Variants in DHX29 observed in about 807,000 individuals in gnomAD.
The protein encoded by DHX29 is ATP-dependent RNA helicase DHX29.
A neutral mutation model predicts 167.9 loss-of-function variants in DHX29; 79 were observed. The ratio of observed to expected loss-of-function variants is 0.47; its 90% CI spans 0.39 to 0.57. The LOEUF is 0.57. Among genes scored for constraint, DHX29 ranks in the 20% least tolerant of loss-of-function variants. The pLI, the probability that DHX29 is intolerant of heterozygous loss-of-function variation, is 0.00. For missense variants in DHX29, 1,347 were observed against 1,593.4 expected (o/e 0.85, Z 2.63); for synonymous variants, 530 against 546.0 (o/e 0.97, Z 0.41).
At chr5:55,259,126 A>C (rs564089139) in intron 26 of DHX29, among the ~76,000 whole-genome samples, 16 of 152,174 alleles carry the variant, frequency 1.1e-4, no homozygotes, top group Non-Finnish European at 2.4e-4. Flanking sequence ...GACTACAGGC[A>C]TATGACACCA....
chr5:55,265,586 C>G (rs775606164), intron 23 of DHX29, among the ~76,000 whole-genome samples: 61 of 149,586 alleles, frequency 4.1e-4, no homozygotes, highest in Non-Finnish European at 8.9e-4. Flanking sequence ...AAAGTGGTAA[C>G]TATAGGTTAA....
In DHX29 at chr5:55,281,488, T is replaced by C. The variant is rs1160435330; in HGVS notation, c.1993A>G (p.Met665Val). Residue 665 changes from methionine (M) to valine (V), a missense_variant, in exon 12 of 27, where the codon ATG (methionine) becomes GTG (valine). By Grantham distance (21) the Met-to-Val change is conservative (BLOSUM62 1). This residue lies in a region of DHX29 where 882 missense variants were observed against 1,082.4 expected (regional missense o/e 0.81). Coordinates refer to ENST00000251636, the MANE Select transcript of DHX29 (RefSeq NM_019030.4). ...RNSLCGYQIRMESRACESTRL... is the reference protein window; with the variant it reads ...RNSLCGYQIRVESRACESTRL... ...GTAGATTCACAAGCTCGAGATTCCA[T>C]CCGGATCTGATATCCACACAAGGAA... is the stretch of plus-strand genomic sequence containing the variant. 6.3e-7 allele frequency: 1 copy of C among 1,598,942 alleles called. No individual in the cohort carries two copies. Among genetic ancestry groups the C allele is most frequent in the Admixed American group, 1.7e-5 (1 of 57,808 alleles).
chr5:55,276,786 T>C (rs1251419013), intron 13 of DHX29, among the ~76,000 whole-genome samples: 2 of 152,156 alleles, frequency 1.3e-5, no homozygotes, highest in East Asian at 3.8e-4. Context: ...GCCACTCTTT[T>C]TATTTTTTTT....
chr5:55,290,651 T>G (rs982345540), intron 6 of DHX29, among the ~76,000 whole-genome samples: 3 of 152,310 alleles, frequency 2.0e-5, no homozygotes, highest in Admixed American at 1.3e-4. Flanking sequence ...GTGACCCACA[T>G]GGAGAAACTT....
chr5:55,271,146 C>T (rs111637622), intron 18 of DHX29, among the ~76,000 whole-genome samples: 1 of 152,138 alleles, frequency 6.6e-6, no homozygotes, highest in Non-Finnish European at 1.5e-5. Context: ...AATGGTGGTA[C>T]TCTCTTGCAA....
At position 55,283,709 on chromosome 5, in the gene DHX29, G is replaced by C. The variant is rs983682401; in HGVS notation, c.1459C>G (p.Pro487Ala). ...AGTTTGGCAATAAAAAGATCACGTG[G>C]TTTATTGGTTTCCATTTTATTTAAT... ...EELNKMETNK[P>A]RDLFIAKLLN... The change falls in exon 11 of 27, where the codon CCA becomes GCA. Residue 487 changes from proline to alanine, a missense_variant. Around this residue, in one of 3 missense-constraint regions of DHX29, gnomAD observed 882 missense variants for 1,082.4 expected, o/e 0.81. Coordinates refer to ENST00000251636, the MANE Select transcript of DHX29 (RefSeq NM_019030.4). 10 of 1,613,760 alleles carry C rather than the reference G, an allele frequency of 6.2e-6. No homozygotes were observed. Among genetic ancestry groups the C allele is most frequent in the Non-Finnish European group, 7.6e-6 (9 of 1,179,970 alleles).
chr5:55,289,743 G>T (rs751048646), intron 7 of DHX29, among the ~76,000 whole-genome samples: 6 of 152,118 alleles, frequency 3.9e-5, no homozygotes, highest in Non-Finnish European at 7.4e-5. Flanking sequence ...AATACTCATG[G>T]AATTGTATTC....
chr5:55,298,219 T>TA (rs1748417443), intron 2 of DHX29, among the ~76,000 whole-genome samples: 1 of 151,966 alleles, frequency 6.6e-6, no homozygotes, highest in Non-Finnish European at 1.5e-5. Flanking sequence ...AGTACATGGG[T>TA]AAAAGCTAGA....
rs1281077466 is a variant in DHX29, at chr5:55,259,851, C to G, written c.4054G>C (p.Glu1352Gln). 2.6e-5 allele frequency: 40 copies of G among 1,564,712 alleles called. No individual in the cohort carries two copies. The highest frequency in any genetic ancestry group is 3.2e-5 in the Non-Finnish European group (36 of 1,135,644). The change falls in exon 26 of 27, where the codon GAA (glutamate) becomes CAA (glutamine). Residue 1352 changes from glutamate (E) to glutamine (Q), a missense_variant. Physicochemically the swap from Glu to Gln is conservative, Grantham distance 29 (BLOSUM62 2). Coordinates refer to ENST00000251636, the MANE Select transcript of DHX29 (RefSeq NM_019030.4). ...KKLENPKMSL[E>Q]NDKILQIITE... ...TCACTTATAAGCAAACACTTACTTT[C>G]AAGGGACATCTTTGGATTTTCAAGC...
In DHX29 at chr5:55,256,442, G is replaced by GT. The variant is rs755460918; in HGVS notation, c.*45dup. The stretch of plus-strand genomic sequence containing the variant: ...CCCATTTTCAGATAATTTCATGACT[G>GT]TATCTTCATCTTAATTTTTAAAGCA... On this transcript the variant is annotated 3_prime_UTR_variant, in exon 27 of 27. Transcript: ENST00000251636. 1 of 1,506,558 alleles carries GT rather than the reference G, an allele frequency of 6.6e-7. No homozygotes were observed. The highest frequency in any genetic ancestry group is 9.0e-7 in the Non-Finnish European group (1 of 1,112,512). The allele number at this position is 1,506,558 out of a possible 1,614,324, so 93.3% of individuals were successfully genotyped here. A position where few individuals can be genotyped will look rare whatever the true frequency, so the allele number is the denominator to read the frequency against.
intron 12 of DHX29, among the ~76,000 whole-genome samples, chr5:55,280,102 C>A (rs1747326306): frequency 6.6e-6 from 1 of 152,070 alleles, no homozygotes; most frequent in Non-Finnish European, 1.5e-5. Context: ...TAAAGAGGGT[C>A]CTGTATAATG....
At chr5:55,303,665 C>T (rs1331643632) in intron 1 of DHX29, among the ~76,000 whole-genome samples, 1 of 152,212 alleles carries the variant, frequency 6.6e-6, no homozygotes, top group East Asian at 1.9e-4. Flanking sequence ...TCCAGCCACA[C>T]AGCACTATCT....
intron 11 of DHX29, among the ~76,000 whole-genome samples, 187 bp from the exon 12 acceptor site, chr5:55,281,702 T>C (rs762571669): frequency 2.0e-5 from 3 of 152,160 alleles, no homozygotes; most frequent in Non-Finnish European, 4.4e-5. Flanking sequence ...GTGCAATTTA[T>C]TATTAAAAGC....
chr5:55,274,815 T>G (rs1747024852), intron 15 of DHX29, 51 bp downstream of exon 15: 1 of 1,575,642 alleles, frequency 6.3e-7, no homozygotes, highest in African/African-American at 1.4e-5. Flanking sequence ...CTCCAGCTAG[T>G]AGAAATGTTT....
chr5:55,260,953 A>AAT (rs1283926104), intron 25 of DHX29, among the ~76,000 whole-genome samples: 2 of 152,198 alleles, frequency 1.3e-5, no homozygotes, highest in African/African-American at 2.4e-5. Flanking sequence ...TTGGGTATCA[A>AAT]ATAGTCCTAG....
At chr5:55,287,028 T>G (rs2111913598) in intron 8 of DHX29, among the ~76,000 whole-genome samples, 1 of 152,364 alleles carries the variant, frequency 6.6e-6, no homozygotes. Flanking sequence ...AGCTACTTCC[T>G]TTGATAGTAC....
chr5:55,287,407 C>G (rs964466222), intron 8 of DHX29, among the ~76,000 whole-genome samples: 18 of 152,088 alleles, frequency 1.2e-4, no homozygotes, highest in Non-Finnish European at 1.0e-4. Flanking sequence ...TGCCACTGTT[C>G]TCCAGCCTGG....
At chr5:55,282,625 A>G (rs1203534961) in intron 11 of DHX29, among the ~76,000 whole-genome samples, 1 of 152,266 alleles carries the variant, frequency 6.6e-6, no homozygotes, top group East Asian at 1.9e-4. Context: ...GGTTCTAACT[A>G]GTTTAATTAA....
intron 2 of DHX29, among the ~76,000 whole-genome samples, chr5:55,297,888 A>G (rs1748402009): frequency 6.6e-6 from 1 of 152,208 alleles, no homozygotes; most frequent in South Asian, 2.1e-4. Flanking sequence ...TTTTCCTACT[A>G]GCCATTTTAT....
Sources: gnomAD v4.1 joint callset for allele counts (sites outside exome capture counted in the v4.1 genomes callset) on GRCh38, gnomAD v4.1.1 for gene constraint, gnomAD v4.1.1 regional missense constraint, MANE v1.5 for transcripts, NCBI Gene and HGNC (gene_info 2026-07-23, HGNC 2026-07-21) for gene names.